ARIH1: variants seen among roughly 807,000 people sequenced by gnomAD.
ARIH1 encodes ariadne RBR E3 ubiquitin protein ligase 1.
A neutral mutation model predicts 85.0 loss-of-function variants in ARIH1; 8 were observed. The ratio of observed to expected loss-of-function variants is 0.09; its 90% confidence interval spans 0.06 to 0.17. The LOEUF (loss-of-function observed/expected upper bound fraction) is 0.17. Among genes scored for constraint, ARIH1 ranks in the 10% least tolerant of loss-of-function variants. ARIH1 has a pLI of 1.00. For synonymous variants in ARIH1, 238 were observed against 253.6 expected, an observed-to-expected ratio of 0.94 and a Z score of 0.59; for missense variants, 311 against 718.1, an observed-to-expected ratio of 0.43 and a Z score of 6.48.
At chr15:72,513,902 T>A (rs1001114158) in intron 1 of ARIH1, among the ~76,000 whole-genome samples, 2 of 141,956 alleles carry the variant, frequency 1.4e-5, no homozygotes, top group Non-Finnish European at 3.0e-5. Flanking sequence ...AAAGACAGAG[T>A]CTTGTCTGAG....
intron 3 of ARIH1, among the ~76,000 whole-genome samples, chr15:72,546,543 G>A (rs1207336069): frequency 6.6e-6 from 1 of 151,512 alleles, no homozygotes; most frequent in African/African-American, 2.4e-5. Flanking sequence ...AGGCTGGAGT[G>A]CAGTGATGTG....
chr15:72,578,691 A>T (rs533144374), intron 11 of ARIH1, among the ~76,000 whole-genome samples: 25 of 152,338 alleles, frequency 1.6e-4, no homozygotes, highest in African/African-American at 6.0e-4. Context: ...GTAGACTTAC[A>T]GTTTAATCCT....
In ARIH1 at chr15:72,589,293, TGTC is replaced by T. The variant is rs2064331001; in HGVS notation, c.*6002_*6004del. The T allele has an allele frequency of 6.6e-6, 1 of 152,226 alleles. No individual in the cohort carries two copies. Among genetic ancestry groups the T allele is most frequent in the Admixed American group, 6.5e-5 (1 of 15,276 alleles). 9.4% of individuals were successfully genotyped at this position (152,226 alleles called of 1,614,324 possible). A position where few individuals can be genotyped will look rare whatever the true frequency, so the allele number is the denominator to read the frequency against. Reference sequence around the variant, plus strand: ...TATGTTCATTCTATTATGCTGCTGTTGTCTGTTACATAGGAATATTGTGAGGAT... The same window carrying T: ...TATGTTCATTCTATTATGCTGCTGTTTGTTACATAGGAATATTGTGAGGAT... On this transcript the variant is annotated 3_prime_UTR_variant, in exon 14 of 14. Transcript: ENST00000379887.
intron 1 of ARIH1, among the ~76,000 whole-genome samples, chr15:72,516,360 T>C (rs2063975012): frequency 1.3e-5 from 2 of 152,196 alleles, no homozygotes; most frequent in African/African-American, 4.8e-5. Flanking sequence ...AAATCTAAAT[T>C]AGTGACTTTA....
At chr15:72,535,725 A>G (rs892014982) in intron 2 of ARIH1, among the ~76,000 whole-genome samples, 1 of 152,230 alleles carries the variant, frequency 6.6e-6, no homozygotes, top group African/African-American at 2.4e-5. Flanking sequence ...TTTATTTTCT[A>G]GATAAAAATG....
rs10615863 is a variant in ARIH1 at position 72,540,258 on chromosome 15, C to CA, written c.444-4538dup. 8.4e-3 allele frequency among the ~76,000 whole-genome samples: 683 copies of CA among 81,074 alleles called. 10 individuals carry two copies. Among genetic ancestry groups the CA allele is most frequent in the African/African-American group, 0.027 (578 of 21,386 alleles). The allele number at this position is 81,074 out of a possible 152,430, so 53.2% of individuals were successfully genotyped here. A position where few individuals can be genotyped will look rare whatever the true frequency, so the allele number is the denominator to read the frequency against. ...GGGTGACAAGAGCGAGACTTTGTCTCAAAAAAAAAAAAAAAAAAAAAAAAT... is the reference window on the plus strand; with the variant it reads ...GGGTGACAAGAGCGAGACTTTGTCTCAAAAAAAAAAAAAAAAAAAAAAAAAT... On this transcript the variant is annotated intron_variant, in intron 2 of 13. Transcript: ENST00000379887.
intron 2 of ARIH1, among the ~76,000 whole-genome samples, chr15:72,541,707 T>C (rs1407693065): frequency 2.6e-5 from 4 of 152,102 alleles, no homozygotes; most frequent in Non-Finnish European, 5.9e-5. Context: ...AAATAGGAAA[T>C]TTGGGTATAT....
Position 72,555,848 on chromosome 15 carries a change from T to G in ARIH1, c.682-4T>G, listed in dbSNP as rs1289192698. The G allele has an allele frequency of 1.9e-6, 3 of 1,612,214 alleles. No individual in the cohort carries two copies. The highest frequency in any genetic ancestry group is 2.5e-6 in the Non-Finnish European group (3 of 1,178,652). On this transcript the variant is annotated splice_region_variant and splice_polypyrimidine_tract_variant and intron_variant, in intron 4 of 13. Coordinates refer to ENST00000379887, the MANE Select transcript of ARIH1 (RefSeq NM_005744.5). ...AAGACAGTTTAAATTTCAATCTTTT[T>G]CAGACTATTTCGTGTCCTGCTCATG...
intron 2 of ARIH1, among the ~76,000 whole-genome samples, chr15:72,542,925 A>C (rs1451907098): frequency 3.3e-5 from 5 of 149,438 alleles, no homozygotes; most frequent in Non-Finnish European, 1.5e-5. Context: ...ATTTTATATT[A>C]TCTTTTTTTT....
chr15:72,542,432 TAATA>T (rs762489772), intron 2 of ARIH1, among the ~76,000 whole-genome samples: 65 of 152,208 alleles, frequency 4.3e-4, no homozygotes, highest in Non-Finnish European at 7.5e-4. Context: ...TCACCTTCAC[TAATA>T]AATAAATAAA....
chr15:72,544,769 T>G, intron 2 of ARIH1, 51 bp from the exon 3 acceptor site: 5 of 1,546,930 alleles, frequency 3.2e-6, no homozygotes, highest in Non-Finnish European at 4.4e-6. Context: ...TGGAGAGCTC[T>G]AACAGTGTGC....
Position 72,579,574 on chromosome 15 carries a change from G to A in ARIH1, c.1216-1157G>A, listed in dbSNP as rs2064287266. Among the ~76,000 whole-genome samples the A allele has an allele frequency of 3.9e-5, 6 of 152,268 alleles. No individual in the cohort carries two copies. In the South Asian group the frequency reaches 1.2e-3, roughly 32 times the overall value. On this transcript the variant is annotated intron_variant, in intron 11 of 13. Coordinates refer to ENST00000379887, the MANE Select transcript of ARIH1 (RefSeq NM_005744.5). ...GATGTAAATGTTCTTTATCACCAGTGTCTAATTTGGTAGTCACTAAGCACA... is the reference window on the plus strand; with the variant it reads ...GATGTAAATGTTCTTTATCACCAGTATCTAATTTGGTAGTCACTAAGCACA...
intron 2 of ARIH1, among the ~76,000 whole-genome samples, chr15:72,521,237 C>T (rs1295170191): frequency 9.0e-6 from 1 of 110,894 alleles, no homozygotes; most frequent in Non-Finnish European, 1.7e-5. Context: ...TCGCTTTTTG[C>T]ATACCACTAT....
At chr15:72,483,041 C>G (rs2063822849) in intron 1 of ARIH1, among the ~76,000 whole-genome samples, 2 of 151,838 alleles carry the variant, frequency 1.3e-5, no homozygotes, top group Non-Finnish European at 2.9e-5. Context: ...TTGGTAGAGA[C>G]CAGTATTTTT....
At chr15:72,475,759 T>C (rs923099871) in intron 1 of ARIH1, among the ~76,000 whole-genome samples, 1 of 152,184 alleles carries the variant, frequency 6.6e-6, no homozygotes, top group African/African-American at 2.4e-5. Context: ...CGCAGTGTTG[T>C]CTAATATTGG....
At chr15:72,576,525 A>AC (rs2064272291) in intron 11 of ARIH1, among the ~76,000 whole-genome samples, 1 of 151,676 alleles carries the variant, frequency 6.6e-6, no homozygotes, top group South Asian at 2.1e-4. Flanking sequence ...AAAAAAAAAA[A>AC]AAAAACCCTT....
At chr15:72,575,908 A>G (rs2064268877) in intron 11 of ARIH1, among the ~76,000 whole-genome samples, 2 of 152,110 alleles carry the variant, frequency 1.3e-5, no homozygotes, top group Non-Finnish European at 2.9e-5. Flanking sequence ...CAGTGGCATG[A>G]TCATAGCTCA....
chr15:72,575,226 C>T (rs2140437806), intron 11 of ARIH1, among the ~76,000 whole-genome samples: 1 of 152,262 alleles, frequency 6.6e-6, no homozygotes, highest in Admixed American at 6.5e-5. Context: ...TCCACGCTCC[C>T]CAAACTGCTT....
chr15:72,521,272 C>T (rs1252041287), intron 2 of ARIH1, among the ~76,000 whole-genome samples: 9 of 116,872 alleles, frequency 7.7e-5, no homozygotes, highest in Non-Finnish European at 1.7e-5. Flanking sequence ...CACTGTTTTT[C>T]TTAGAATATA....
Sources: allele counts gnomAD v4.1 joint callset (sites outside exome capture counted in the v4.1 genomes callset), GRCh38; gene constraint gnomAD v4.1.1; transcripts MANE v1.5; gene names NCBI Gene and HGNC (gene_info 2026-07-23, HGNC 2026-07-21).